Variants in IFT70B observed in about 807,000 individuals in gnomAD.
IFT70B encodes intraflagellar transport 70B, also known as intraflagellar transport protein 70B.
At chr2:177,551,195 C>T in the IFT70B span, 2 of 1,613,784 alleles carry the variant, frequency 1.2e-6, no homozygotes, top group Non-Finnish European at 1.7e-6. Context: ...CCTTTTCAAT[C>T]TTCCTCATCA....
At chr2:177,550,638 C>G in the IFT70B span, 1 of 655,266 alleles carries the variant, frequency 1.5e-6, no homozygotes, top group Admixed American at 4.2e-5. Context: ...GTTTTAGCTA[C>G]TTTTTTTTTT....
chr2:177,552,020 A>C, the IFT70B span: 2 of 1,614,238 alleles, frequency 1.2e-6, no homozygotes, highest in Non-Finnish European at 8.5e-7. Context: ...CCACCAGAGC[A>C]GTCTGATGGA....
chr2:177,550,867 G>C, the IFT70B span: 1 of 1,614,030 alleles, frequency 6.2e-7, no homozygotes, highest in East Asian at 2.2e-5. Context: ...TCTTCCAGGG[G>C]TTGTTCAATA....
At chr2:177,551,225 T>C in the IFT70B span, 1 of 1,613,774 alleles carries the variant, frequency 6.2e-7, no homozygotes, top group Non-Finnish European at 8.5e-7. Context: ...CTTCTTCATT[T>C]TGACTTGTCA....
At chr2:177,551,990 T>A in the IFT70B span, 3 of 1,614,208 alleles carry the variant, frequency 1.9e-6, no homozygotes, top group South Asian at 3.3e-5. Flanking sequence ...ATTCTATAGC[T>A]GCCTTAAGGT....
chr2:177,550,888 T>C, the IFT70B span: 2 of 1,614,140 alleles, frequency 1.2e-6, no homozygotes, highest in South Asian at 1.1e-5. Flanking sequence ...ACAGCAGGTA[T>C]GTTTCTGCCA....
At chr2:177,550,864 G>A in the IFT70B span, 8 of 1,614,070 alleles carry the variant, frequency 5.0e-6, no homozygotes, top group African/African-American at 1.1e-4. Context: ...TCTTCTTCCA[G>A]GGGTTGTTCA....
chr2:177,551,117 C>A, the IFT70B span: 1 of 1,614,154 alleles, frequency 6.2e-7, no homozygotes, highest in East Asian at 2.2e-5. Context: ...GAGTTCCTAT[C>A]ACCAAATTCA....
the IFT70B span, chr2:177,550,544 T>C: frequency 1.9e-5 from 8 of 426,058 alleles, no homozygotes; most frequent in African/African-American, 1.0e-4. Context: ...GATATAAACA[T>C]TCCTCATAAG....
chr2:177,552,474 T>G, the IFT70B span: 1 of 1,611,714 alleles, frequency 6.2e-7, no homozygotes, highest in Middle Eastern at 1.7e-4. Context: ...CCGGGTGGCC[T>G]CCGCATAAAG....
chr2:177,552,718 C>T, the IFT70B span: 2 of 1,591,824 alleles, frequency 1.3e-6, no homozygotes, highest in African/African-American at 1.3e-5. Flanking sequence ...TACACGACCG[C>T]GGTGAACTCC....
At chr2:177,552,713 G>T in the IFT70B span, 24 of 1,593,540 alleles carry the variant, frequency 1.5e-5, no homozygotes, top group African/African-American at 1.7e-4. Flanking sequence ...GGCGGTACAC[G>T]ACCGCGGTGA....
At chr2:177,551,214 GCTT>G in the IFT70B span, 1 of 1,613,674 alleles carries the variant, frequency 6.2e-7, no homozygotes, top group Non-Finnish European at 8.5e-7. Context: ...CAACTCCTCT[GCTT>G]CTTCATTTTG....
the IFT70B span, chr2:177,551,088 T>C: frequency 2.8e-5 from 46 of 1,614,066 alleles, no homozygotes; most frequent in Non-Finnish European, 3.9e-5. Flanking sequence ...AAAGTCATAA[T>C]TTCCTTTGGC....
At chr2:177,550,042 G>C in the IFT70B span, 3 of 152,130 alleles carry the variant, frequency 2.0e-5, no homozygotes, top group African/African-American at 7.2e-5. Flanking sequence ...TCTCAGGATA[G>C]CTCTGTTATT....
At chr2:177,549,771 T>C in the IFT70B span, 1 of 152,216 alleles carries the variant, frequency 6.6e-6, no homozygotes, top group African/African-American at 2.4e-5. Flanking sequence ...CAACTTAGAA[T>C]TGACCTTTTT....
the IFT70B span, chr2:177,551,978 G>C: frequency 6.2e-7 from 1 of 1,614,202 alleles, no homozygotes; most frequent in South Asian, 1.1e-5. Context: ...TTCTCAGTTG[G>C]TATTCTATAG....
chr2:177,550,791 T>C, the IFT70B span: 41 of 1,609,426 alleles, frequency 2.5e-5, no homozygotes, highest in Non-Finnish European at 3.5e-5. Context: ...TATAATCTCA[T>C]AAATCAAAGC....
At chr2:177,552,578 C>T in the IFT70B span, 159 of 1,597,306 alleles carry the variant, frequency 1.0e-4, no homozygotes, top group African/African-American at 2.0e-3. Context: ...CGGCCGCCAG[C>T]GCGAACTCCT....
Sources: gnomAD v4.1 joint callset for allele counts on GRCh38, gnomAD v4.1.1 for gene constraint, MANE v1.5 for transcripts, NCBI Gene and HGNC (gene_info 2026-07-23, HGNC 2026-07-21) for gene names.